Variants in EDIL3 observed in about 807,000 individuals in gnomAD.
EDIL3 encodes EGF-like repeat and discoidin I-like domain-containing protein 3.
Under a neutral mutation model 67.4 loss-of-function variants are expected in EDIL3, and 37 were observed. That is an observed-to-expected ratio of 0.55 (90% CI 0.42 to 0.72). The LOEUF (loss-of-function observed/expected upper bound fraction) is 0.72, where lower values mean the gene tolerates loss of function less well. EDIL3 is among the 30% of genes least tolerant of loss of function. The probability of loss-of-function intolerance (pLI) is 0.00; values close to 1 mark genes in which losing one functional copy is unlikely to be tolerated. For synonymous variants in EDIL3, 195 were observed against 196.3 expected, an observed-to-expected ratio of 0.99 and a Z score of 0.05; for missense variants, 527 against 586.3, an observed-to-expected ratio of 0.90 and a Z score of 1.04.
At chr5:84,286,272 A>G (rs1057232826) in intron 1 of EDIL3, among the ~76,000 whole-genome samples, 1 of 152,100 alleles carries the variant, frequency 6.6e-6, no homozygotes, top group Non-Finnish European at 1.5e-5. Context: ...CACTCTCCCC[A>G]TTCTATATAT....
intron 1 of EDIL3, among the ~76,000 whole-genome samples, chr5:84,364,173 C>T (rs1277316099): frequency 6.6e-6 from 1 of 152,120 alleles, no homozygotes; most frequent in African/African-American, 2.4e-5. Context: ...CAATGTAAGG[C>T]AGTTTTCAGG....
Position 84,160,730 on chromosome 5 carries a change from T to TTTTTC in EDIL3, c.355+19658_355+19662dup, listed in dbSNP as rs1318124375. On this transcript the variant is annotated intron_variant, in intron 4 of 10. Transcript: ENST00000296591. ...AGGTGTCATTTTCATTTTCTTCTTT[T>TTTTTC]TTTTCTTTTCTTTTCTTTCCTTTCC... is the stretch of plus-strand genomic sequence containing the variant. 3.1e-3 allele frequency among the ~76,000 whole-genome samples: 407 copies of TTTTTC among 131,516 alleles called. 8 individuals carry two copies. The highest frequency in any genetic ancestry group is 0.01 in the African/African-American group (389 of 37,622). The allele number at this position is 131,516 out of a possible 152,430, so 86.3% of individuals were successfully genotyped here.
intron 4 of EDIL3, among the ~76,000 whole-genome samples, chr5:84,157,321 T>A (rs1362747062): frequency 3.3e-5 from 5 of 151,870 alleles, no homozygotes; most frequent in African/African-American, 1.2e-4. Flanking sequence ...GAACTTAAAA[T>A]TAAAAAAATG....
chr5:84,264,883 G>A (rs1176660249), intron 1 of EDIL3, among the ~76,000 whole-genome samples: 1 of 152,112 alleles, frequency 6.6e-6, no homozygotes, highest in Non-Finnish European at 1.5e-5. Flanking sequence ...TCAGTGCCAC[G>A]TCCAGCTGTA....
At chr5:84,201,747 A>G (rs1192138527) in intron 3 of EDIL3, among the ~76,000 whole-genome samples, 1 of 152,136 alleles carries the variant, frequency 6.6e-6, no homozygotes, top group Non-Finnish European at 1.5e-5. Context: ...AAGAATGGTT[A>G]AGCCATCTAC....
chr5:84,271,304 C>CAG, intron 1 of EDIL3, among the ~76,000 whole-genome samples: 1 of 152,052 alleles, frequency 6.6e-6, no homozygotes, highest in South Asian at 2.1e-4. Flanking sequence ...GTCCCAGCTA[C>CAG]TCGGGAGACT....
chr5:84,315,387 A>C (rs916320470), intron 1 of EDIL3, among the ~76,000 whole-genome samples: 3 of 152,206 alleles, frequency 2.0e-5, no homozygotes, highest in African/African-American at 4.8e-5. Context: ...ATTTTCAATC[A>C]TAACCAATTA....
intron 3 of EDIL3, among the ~76,000 whole-genome samples, chr5:84,202,138 T>C (rs1421866356): frequency 1.3e-5 from 2 of 152,126 alleles, no homozygotes; most frequent in Non-Finnish European, 2.9e-5. Context: ...TGGCCAATAA[T>C]GCAAGAAGTA....
At chr5:84,344,727 T>A (rs1747202402) in intron 1 of EDIL3, among the ~76,000 whole-genome samples, 1 of 152,206 alleles carries the variant, frequency 6.6e-6, no homozygotes, top group Non-Finnish European at 1.5e-5. Context: ...TAAAATATGT[T>A]TTTAAATTAA....
chr5:84,075,968 T>TAA (rs931165113), intron 6 of EDIL3, among the ~76,000 whole-genome samples: 1 of 126,654 alleles, frequency 7.9e-6, no homozygotes, highest in African/African-American at 2.6e-5. Flanking sequence ...TATATATATA[T>TAA]AAATATTTAT....
At chr5:84,226,991 G>A (rs1476111034) in intron 3 of EDIL3, among the ~76,000 whole-genome samples, 1 of 151,862 alleles carries the variant, frequency 6.6e-6, no homozygotes, top group African/African-American at 2.4e-5. Flanking sequence ...GCATACACTG[G>A]GTTACAATTC....
intron 9 of EDIL3, among the ~76,000 whole-genome samples, chr5:84,006,708 AACACCTG>A (rs1165986968): frequency 6.6e-6 from 1 of 152,202 alleles, no homozygotes; most frequent in Non-Finnish European, 1.5e-5. Flanking sequence ...CTAAACAGGT[AACACCTG>A]AACCTAAAAT....
chr5:84,149,501 T>A (rs1024858241), intron 4 of EDIL3, among the ~76,000 whole-genome samples: 8 of 152,074 alleles, frequency 5.3e-5, no homozygotes, highest in African/African-American at 1.9e-4. Flanking sequence ...CTAACGAATC[T>A]TATAAGCAAG....
intron 1 of EDIL3, among the ~76,000 whole-genome samples, chr5:84,257,124 A>G (rs1413063204): frequency 6.6e-6 from 1 of 152,186 alleles, no homozygotes; most frequent in Non-Finnish European, 1.5e-5. Context: ...CCAGGGCCAA[A>G]GGAGGTTCTT....
intron 9 of EDIL3, among the ~76,000 whole-genome samples, chr5:84,018,583 C>T (rs1745650394): frequency 6.6e-6 from 1 of 152,172 alleles, no homozygotes; most frequent in Non-Finnish European, 1.5e-5. Flanking sequence ...CACCTGGCTC[C>T]TCTACCTCCT....
intron 1 of EDIL3, among the ~76,000 whole-genome samples, chr5:84,303,273 G>T (rs1217224728): frequency 6.6e-6 from 1 of 152,136 alleles, no homozygotes; most frequent in Non-Finnish European, 1.5e-5. Flanking sequence ...TGTCACTTAT[G>T]TTCTGGCTTC....
intron 1 of EDIL3, among the ~76,000 whole-genome samples, chr5:84,291,560 A>G (rs1026269831): frequency 1.8e-4 from 27 of 151,664 alleles, no homozygotes; most frequent in Admixed American, 9.2e-4. Flanking sequence ...TTAGACAAAA[A>G]TTGATACAAA....
intron 2 of EDIL3, among the ~76,000 whole-genome samples, chr5:84,242,858 A>G (rs912017932): frequency 9.2e-5 from 14 of 151,848 alleles, no homozygotes; most frequent in African/African-American, 3.4e-4. Context: ...GTTTGAAAGT[A>G]ACCCTCCCCA....
chr5:84,012,468 A>T (rs559286432), intron 9 of EDIL3, among the ~76,000 whole-genome samples: 1 of 152,266 alleles, frequency 6.6e-6, no homozygotes, highest in African/African-American at 2.4e-5. Flanking sequence ...TGAGGAAATT[A>T]ACCTCAGTTT....
Sources: gnomAD v4.1 joint callset for allele counts (sites outside exome capture counted in the v4.1 genomes callset) on GRCh38, gnomAD v4.1.1 for gene constraint, MANE v1.5 for transcripts, NCBI Gene and HGNC (gene_info 2026-07-23, HGNC 2026-07-21) for gene names.